Variants in MACROD2 observed in about 807,000 individuals in gnomAD.
MACROD2 encodes ADP-ribose glycohydrolase MACROD2.
In MACROD2, 36 loss-of-function variants were observed where a neutral mutation model predicts 70.4. The observed-to-expected ratio is 0.51, with a 90% confidence interval of 0.39 to 0.68. The LOEUF is 0.68. Among genes scored for constraint, MACROD2 ranks in the 30% least tolerant of loss-of-function variants. The pLI, the probability that MACROD2 is intolerant of heterozygous loss-of-function variation, is 0.00. For synonymous variants in MACROD2, 172 were observed against 178.8 expected (o/e 0.96, Z 0.30); for missense variants, 496 against 538.4 (o/e 0.92, Z 0.78).
intron 3 of MACROD2, among the ~76,000 whole-genome samples, chr20:14,389,242 GA>G (rs1600189664): frequency 1.3e-5 from 2 of 151,298 alleles, no homozygotes; most frequent in African/African-American, 4.9e-5. Context: ...GCCAACAGGC[GA>G]AACCTCGTCT....
chr20:14,520,490 TTA>T (rs1310571396), intron 4 of MACROD2, among the ~76,000 whole-genome samples: 4 of 126,910 alleles, frequency 3.2e-5, no homozygotes, highest in Non-Finnish European at 4.9e-5. Context: ...TTTTTTGTTA[TTA>T]TTTTTTTTTT....
chr20:15,059,702 A>T (rs533737730), intron 5 of MACROD2, among the ~76,000 whole-genome samples: 6 of 152,288 alleles, frequency 3.9e-5, no homozygotes, highest in African/African-American at 1.2e-4. Flanking sequence ...TTTTTACCCA[A>T]CATATAGGAA....
At chr20:15,705,217 A>T in intron 8 of MACROD2, among the ~76,000 whole-genome samples, 1 of 152,192 alleles carries the variant, frequency 6.6e-6, no homozygotes, top group Non-Finnish European at 1.5e-5. Context: ...GTAAATTAAC[A>T]TGATCAAATT....
intron 5 of MACROD2, among the ~76,000 whole-genome samples, chr20:14,903,649 C>G (rs1259232218): frequency 6.6e-6 from 1 of 152,036 alleles, no homozygotes; most frequent in Admixed American, 6.5e-5. Flanking sequence ...TTGCAGTATT[C>G]ATTAGGATAC....
At chr20:14,475,314 C>T (rs2084579143) in intron 3 of MACROD2, among the ~76,000 whole-genome samples, 1 of 133,652 alleles carries the variant, frequency 7.5e-6, no homozygotes, top group South Asian at 2.2e-4. Flanking sequence ...TTTATGTTGC[C>T]TATACCATAA....
At position 15,172,748 on chromosome 20, in the gene MACROD2, A is replaced by T. The variant is rs539654592; in HGVS notation, c.419-57192A>T. Among the ~76,000 whole-genome samples, 10 of 152,326 alleles carry T rather than the reference A, an allele frequency of 6.6e-5. No individual in the cohort carries two copies. In the East Asian group the frequency reaches 1.4e-3, roughly 21 times the overall value. On this transcript the variant is annotated intron_variant, in intron 5 of 17. Transcript: ENST00000684519. ...TTATGGAGTGCCTCTCTTGAAAAAG[A>T]TCTGAACATTGACTAGTCAAGTGCA...
chr20:14,483,707 A>G (rs767911439), intron 3 of MACROD2, among the ~76,000 whole-genome samples: 41 of 152,148 alleles, frequency 2.7e-4, no homozygotes, highest in Admixed American at 2.0e-3. Flanking sequence ...TGCCCAGCCT[A>G]TCTTCTCAAG....
Position 14,994,420 on chromosome 20 carries a change from C to T in MACROD2, c.419-235520C>T, listed in dbSNP as rs76044680. On this transcript the variant is annotated intron_variant, in intron 5 of 17. Transcript: ENST00000684519. ...TCTCTCTTCCCACCACCTGTTCTCC[C>T]GGGGCCTCTTGTTGCACTCACCTAA... Among the ~76,000 whole-genome samples, 951 of 152,076 alleles carry T rather than the reference C, an allele frequency of 6.3e-3. 5 individuals are homozygous for T. Among genetic ancestry groups the T allele is most frequent in the African/African-American group, 0.021 (869 of 41,488 alleles).
At position 15,575,828 on chromosome 20, in the gene MACROD2, G is replaced by A. The variant is rs1445802057; in HGVS notation, c.645+75981G>A. On this transcript the variant is annotated intron_variant, in intron 8 of 17. Transcript: ENST00000684519. ...TGTCTAAGCCTCTCAACAGTCCCCC[G>A]TGTCTCTTTCCGGCCACGACTCCCT... Among the ~76,000 whole-genome samples, 6 of 152,122 alleles carry A rather than the reference G, an allele frequency of 3.9e-5. 1 individual carries two copies. Among genetic ancestry groups the A allele is most frequent in the South Asian group, 4.2e-4 (2 of 4,818 alleles).
At chr20:14,050,647 A>G (rs2053554220) in intron 2 of MACROD2, among the ~76,000 whole-genome samples, 1 of 152,224 alleles carries the variant, frequency 6.6e-6, no homozygotes, top group Non-Finnish European at 1.5e-5. Context: ...GAAAGTGGGA[A>G]TGGTGCAACA....
chr20:14,967,086 G>T (rs2074644435), intron 5 of MACROD2, among the ~76,000 whole-genome samples: 1 of 152,184 alleles, frequency 6.6e-6, no homozygotes, highest in Non-Finnish European at 1.5e-5. Flanking sequence ...GAATGACATT[G>T]AATACTTTTT....
At chr20:15,282,305 A>T (rs986670689) in intron 6 of MACROD2, among the ~76,000 whole-genome samples, 1 of 152,150 alleles carries the variant, frequency 6.6e-6, no homozygotes, top group Non-Finnish European at 1.5e-5. Flanking sequence ...AGCCAACTTG[A>T]ATTTCTTTTC....
chr20:14,457,616 A>G (rs1166582020), intron 3 of MACROD2, among the ~76,000 whole-genome samples: 1 of 152,120 alleles, frequency 6.6e-6, no homozygotes, highest in Non-Finnish European at 1.5e-5. Flanking sequence ...TATTTCATTC[A>G]TTCCCTTGGG....
rs1390464528 is a variant in MACROD2 at position 14,237,407 on chromosome 20, A to G, written c.271+151679A>G. ...GGGACTCCTATGAGACAAATGATTCATCTTTTCATTCTTATACCTCAAATC... is the reference window on the plus strand; with the variant it reads ...GGGACTCCTATGAGACAAATGATTCGTCTTTTCATTCTTATACCTCAAATC... On this transcript the variant is annotated intron_variant, in intron 3 of 17. Coordinates refer to ENST00000684519, the MANE Select transcript of MACROD2 (RefSeq NM_001351661.2). 2.6e-5 allele frequency among the ~76,000 whole-genome samples: 4 copies of G among 151,764 alleles called. No individual in the cohort carries two copies. In the East Asian group the frequency reaches 5.8e-4, roughly 22 times the overall value.
At position 14,326,609 on chromosome 20, in the gene MACROD2, GT is replaced by G; in HGVS notation, c.272-166868del. 6.2e-7 allele frequency: 1 copy of G among 1,613,856 alleles called. No homozygotes were observed. The highest frequency in any genetic ancestry group is 8.5e-7 in the Non-Finnish European group (1 of 1,179,846). On this transcript the variant is annotated intron_variant, in intron 3 of 17. Transcript: ENST00000684519. This position sits in a 1 kb window ranked among gnomAD's most constrained non-coding sequence, Gnocchi z 5.5. ...TACCAGGGATTGTTGCGAAGAATCA[GT>G]TGTGTTATATTGTCCAAATCATCAA...
At chr20:14,838,756 A>G (rs547240091) in intron 5 of MACROD2, among the ~76,000 whole-genome samples, 19 of 152,212 alleles carry the variant, frequency 1.2e-4, no homozygotes, top group African/African-American at 4.6e-4. Context: ...TTGTAAGATA[A>G]AAGAGAGAAA....
At chr20:15,346,022 G>T (rs1366503259) in intron 6 of MACROD2, among the ~76,000 whole-genome samples, 1 of 152,112 alleles carries the variant, frequency 6.6e-6, no homozygotes, top group African/African-American at 2.4e-5. Flanking sequence ...ATCTTCAAGG[G>T]CTCCTAATGG....
At chr20:15,529,443 A>G (rs1381577243) in intron 8 of MACROD2, among the ~76,000 whole-genome samples, 1 of 152,078 alleles carries the variant, frequency 6.6e-6, no homozygotes, top group Non-Finnish European at 1.5e-5. Flanking sequence ...CTGACATTAG[A>G]TATTCTTTAA....
At chr20:14,371,557 CTTT>C (rs2083323743) in intron 3 of MACROD2, among the ~76,000 whole-genome samples, 1 of 151,912 alleles carries the variant, frequency 6.6e-6, no homozygotes, top group African/African-American at 2.4e-5. Flanking sequence ...GAATATCTGC[CTTT>C]TTATTTTTAG....
Sources: gnomAD v4.1 joint callset for allele counts (sites outside exome capture counted in the v4.1 genomes callset) on GRCh38, gnomAD v4.1.1 for gene constraint, Gnocchi (gnomAD v3.1) non-coding constraint, MANE v1.5 for transcripts, NCBI Gene and HGNC (gene_info 2026-07-23, HGNC 2026-07-21) for gene names.